Variants in MACROD2 observed in about 807,000 individuals in gnomAD.
MACROD2 encodes the protein mono-ADP ribosylhydrolase 2, also known as ADP-ribose glycohydrolase MACROD2.
A neutral mutation model predicts 70.4 loss-of-function variants in MACROD2; 36 were observed. The ratio of observed to expected loss-of-function variants is 0.51; its 90% CI spans 0.39 to 0.68. MACROD2 has a LOEUF of 0.68. Ranked by LOEUF, MACROD2 falls within the 30% of genes least tolerant of loss-of-function variation. MACROD2 has a pLI of 0.00. For synonymous variants in MACROD2, 172 were observed against 178.8 expected (o/e 0.96, Z 0.30); for missense variants, 496 against 538.4 (o/e 0.92, Z 0.78).
intron 8 of MACROD2, among the ~76,000 whole-genome samples, chr20:15,511,377 C>G (rs2047497162): frequency 6.6e-6 from 1 of 152,094 alleles, no homozygotes; most frequent in Non-Finnish European, 1.5e-5. Flanking sequence ...GATGTAAAGA[C>G]TTTTAGTTGT....
chr20:15,933,393 A>G, intron 11 of MACROD2, 55 bp downstream of exon 11: 2 of 1,489,778 alleles, frequency 1.3e-6, no homozygotes, highest in Non-Finnish European at 9.3e-7. Flanking sequence ...AGAGGTGAAC[A>G]GTAACTTCAC....
intron 5 of MACROD2, among the ~76,000 whole-genome samples, chr20:14,945,697 C>T (rs181318): frequency 5.9e-5 from 9 of 151,566 alleles, no homozygotes; most frequent in African/African-American, 2.2e-4. Flanking sequence ...GAATGAACTG[C>T]GGGAGACAAA....
At chr20:14,633,069 C>G (rs1479110748) in intron 4 of MACROD2, among the ~76,000 whole-genome samples, 3 of 152,222 alleles carry the variant, frequency 2.0e-5, no homozygotes, top group Non-Finnish European at 4.4e-5. Flanking sequence ...CCCGCAGAGG[C>G]CCTGGAGAGG....
intron 8 of MACROD2, among the ~76,000 whole-genome samples, chr20:15,719,584 C>T (rs2050756584): frequency 6.6e-6 from 1 of 152,144 alleles, no homozygotes; most frequent in African/African-American, 2.4e-5. Context: ...AATACAATCA[C>T]CAAAAATAAA....
At chr20:14,558,048 G>A (rs1181414769) in intron 4 of MACROD2, among the ~76,000 whole-genome samples, 1 of 151,602 alleles carries the variant, frequency 6.6e-6, no homozygotes, top group East Asian at 1.9e-4. Flanking sequence ...AAGGAATCAA[G>A]TACTGATACA....
chr20:14,276,739 C>G (rs2082261741), intron 3 of MACROD2, among the ~76,000 whole-genome samples: 1 of 152,002 alleles, frequency 6.6e-6, no homozygotes, highest in Non-Finnish European at 1.5e-5. Context: ...AACATACTAC[C>G]AGGTATGGTC....
intron 8 of MACROD2, among the ~76,000 whole-genome samples, chr20:15,714,575 T>C (rs992069803): frequency 1.3e-5 from 2 of 152,224 alleles, no homozygotes; most frequent in Non-Finnish European, 2.9e-5. Context: ...GCTTTTAGGC[T>C]TGATTAGGGT....
intron 5 of MACROD2, among the ~76,000 whole-genome samples, chr20:15,007,061 G>A (rs2075043734): frequency 6.6e-6 from 1 of 151,442 alleles, no homozygotes; most frequent in South Asian, 2.1e-4. Context: ...AGGACTGGGG[G>A]AAACCATAAA....
rs576316591 is a variant in MACROD2 at position 14,933,649 on chromosome 20, G to A, written c.418+248690G>A. Among the ~76,000 whole-genome samples, 122 of 146,734 alleles carry A rather than the reference G, an allele frequency of 8.3e-4. 1 individual carries two copies. The South Asian group carries it at 0.025, about 30-fold the overall frequency. On this transcript the variant is annotated intron_variant, in intron 5 of 17. Transcript: ENST00000684519. The stretch of plus-strand genomic sequence containing the variant: ...TGACTCAAAAAAATAAAAAAAAAAA[G>A]TAAAGTTTCTATTGGAGTAAGTCAT...
In MACROD2 at chr20:14,787,128, A is replaced by C. The variant is rs551959394; in HGVS notation, c.418+102169A>C. On this transcript the variant is annotated intron_variant, in intron 5 of 17. Coordinates refer to ENST00000684519, the MANE Select transcript of MACROD2 (RefSeq NM_001351661.2). ...TCATTTTTGATCTGTCATGTACAATATGATCTAAATGTAATAGACCATTTG... is the reference window on the plus strand; with the variant it reads ...TCATTTTTGATCTGTCATGTACAATCTGATCTAAATGTAATAGACCATTTG... Among the ~76,000 whole-genome samples the C allele has an allele frequency of 3.9e-5, 6 of 152,236 alleles. No individual in the cohort carries two copies. The East Asian group carries it at 1.2e-3, about 29-fold the overall frequency.
chr20:14,303,097 T>C (rs2082490210), intron 3 of MACROD2, among the ~76,000 whole-genome samples: 1 of 152,182 alleles, frequency 6.6e-6, no homozygotes, highest in Admixed American at 6.5e-5. Context: ...CCACTTACTA[T>C]GGCTTATATT....
chr20:15,365,447 C>T (rs1220500344), intron 6 of MACROD2, among the ~76,000 whole-genome samples: 7 of 152,006 alleles, frequency 4.6e-5, no homozygotes, highest in African/African-American at 1.4e-4. Context: ...GGGTGGATCA[C>T]GAGGTCTGGA....
intron 4 of MACROD2, among the ~76,000 whole-genome samples, chr20:14,560,322 C>CACACACAT (rs1288600377): frequency 6.6e-6 from 1 of 151,404 alleles, no homozygotes; most frequent in Non-Finnish European, 1.5e-5. Flanking sequence ...CACACACACA[C>CACACACAT]ACACACACAC....
intron 13 of MACROD2, among the ~76,000 whole-genome samples, chr20:15,975,985 G>A (rs2066300626): frequency 6.6e-6 from 1 of 152,124 alleles, no homozygotes; most frequent in Admixed American, 6.5e-5. Flanking sequence ...TTGAATATTA[G>A]CAGCAATCAA....
At chr20:15,275,205 A>G (rs1018516856) in intron 6 of MACROD2, among the ~76,000 whole-genome samples, 4 of 152,176 alleles carry the variant, frequency 2.6e-5, no homozygotes, top group Non-Finnish European at 4.4e-5. Flanking sequence ...TTAAAAACCA[A>G]ACTAAACCAC....
intron 3 of MACROD2, among the ~76,000 whole-genome samples, chr20:14,152,925 A>C (rs752531814): frequency 2.0e-5 from 3 of 152,122 alleles, no homozygotes; most frequent in Non-Finnish European, 4.4e-5. Context: ...TTAACTTTCC[A>C]TTCTGTGTTG....
chr20:15,660,169 A>G (rs2049798321), intron 8 of MACROD2, among the ~76,000 whole-genome samples: 2 of 152,186 alleles, frequency 1.3e-5, no homozygotes, highest in African/African-American at 4.8e-5. Context: ...AACAAAAAAG[A>G]AGTCAGGCAA....
intron 8 of MACROD2, among the ~76,000 whole-genome samples, chr20:15,519,055 T>TCCTTCC (rs2047608490): frequency 1.7e-5 from 2 of 116,340 alleles, no homozygotes; most frequent in Non-Finnish European, 3.6e-5. Flanking sequence ...TAACTCGCTC[T>TCCTTCC]TTCCTTCCTT....
At chr20:14,792,210 G>A (rs2072459068) in intron 5 of MACROD2, among the ~76,000 whole-genome samples, 1 of 151,968 alleles carries the variant, frequency 6.6e-6, no homozygotes. Flanking sequence ...TAGAACATTG[G>A]ATTAGCACTA....
Sources: allele counts gnomAD v4.1 joint callset (sites outside exome capture counted in the v4.1 genomes callset), GRCh38; gene constraint gnomAD v4.1.1; transcripts MANE v1.5; gene names NCBI Gene and HGNC (gene_info 2026-07-23, HGNC 2026-07-21).